The following TRDN variants were observed in gnomAD, a reference collection of about 807,000 sequenced individuals.
TRDN encodes the protein triadin in skeletal muscle.
In TRDN, 161 loss-of-function variants were observed where a neutral mutation model predicts 149.7. The observed-to-expected ratio is 1.08, with a 90% CI of 0.95 to 1.23. The LOEUF is 1.23. Among genes scored for constraint, TRDN ranks in the 50% most tolerant of loss-of-function variants. The pLI, the probability that TRDN is intolerant of heterozygous loss-of-function variation, is 0.00. For synonymous variants in TRDN, 294 were observed against 250.5 expected (o/e 1.17, Z -1.64); for missense variants, 896 against 823.5 (o/e 1.09, Z -1.08).
At chr6:123,332,454 C>A (rs1304587377) in intron 22 of TRDN, among the ~76,000 whole-genome samples, 6 of 151,970 alleles carry the variant, frequency 3.9e-5, no homozygotes, top group Non-Finnish European at 1.5e-5. Context: ...TACCTATAAA[C>A]TTTTAAAGTC....
At chr6:123,413,271 C>G (rs1163581415) in intron 12 of TRDN, among the ~76,000 whole-genome samples, 1 of 152,198 alleles carries the variant, frequency 6.6e-6, no homozygotes, top group Non-Finnish European at 1.5e-5. Context: ...GTCTCTCAGT[C>G]TGAATCTTGG....
chr6:123,278,368 T>C, intron 25 of TRDN, 21 bp from the exon 26 acceptor site: 1 of 1,250,086 alleles, frequency 8.0e-7, no homozygotes, highest in East Asian at 3.0e-5. Flanking sequence ...AGATGAACAT[T>C]AGTAACAATG....
chr6:123,547,434 T>C, intron 3 of TRDN, 62 bp from the exon 4 acceptor site: 1 of 924,192 alleles, frequency 1.1e-6, no homozygotes, highest in Non-Finnish European at 1.5e-6. Flanking sequence ...TAATATGACA[T>C]CATTATTTTC....
intron 4 of TRDN, among the ~76,000 whole-genome samples, chr6:123,546,354 T>G (rs888237952): frequency 1.3e-5 from 2 of 152,062 alleles, no homozygotes; most frequent in Non-Finnish European, 2.9e-5. Flanking sequence ...AAGTTTCTAA[T>G]TTAACATACA....
intron 1 of TRDN, among the ~76,000 whole-genome samples, chr6:123,636,459 T>G (rs1562147065): frequency 6.6e-6 from 1 of 151,990 alleles, no homozygotes; most frequent in Non-Finnish European, 1.5e-5. Context: ...TCATGTTACA[T>G]GACCATAGCT....
chr6:123,250,331 T>C (rs1313808364), intron 38 of TRDN, among the ~76,000 whole-genome samples: 1 of 151,684 alleles, frequency 6.6e-6, no homozygotes, highest in Non-Finnish European at 1.5e-5. Context: ...TTCATGAAGC[T>C]CCTTTAGTTA....
At chr6:123,379,038 AAAG>A (rs1232000354) in intron 16 of TRDN, among the ~76,000 whole-genome samples, 1 of 152,180 alleles carries the variant, frequency 6.6e-6, no homozygotes, top group African/African-American at 2.4e-5. Flanking sequence ...AATTAATGTA[AAAG>A]AAGATTTTCA....
intron 2 of TRDN, among the ~76,000 whole-genome samples, chr6:123,554,075 C>G (rs748980014): frequency 6.6e-6 from 1 of 152,114 alleles, no homozygotes; most frequent in Non-Finnish European, 1.5e-5. Flanking sequence ...TGGTAAGGTC[C>G]ATGAAATCCA....
intron 2 of TRDN, among the ~76,000 whole-genome samples, chr6:123,562,301 T>A (rs1782045900): frequency 6.6e-6 from 1 of 152,246 alleles, no homozygotes; most frequent in South Asian, 2.1e-4. Context: ...AACAGCCTTG[T>A]TGCTCACACA....
At chr6:123,407,587 G>C (rs1163956439) in intron 12 of TRDN, among the ~76,000 whole-genome samples, 1 of 151,964 alleles carries the variant, frequency 6.6e-6, no homozygotes, top group Non-Finnish European at 1.5e-5. Flanking sequence ...ATTCCCATAT[G>C]CATCTTGTTT....
At chr6:123,414,507 T>C (rs1773571967) in intron 12 of TRDN, among the ~76,000 whole-genome samples, 1 of 152,108 alleles carries the variant, frequency 6.6e-6, no homozygotes, top group African/African-American at 2.4e-5. Context: ...TATATACAAA[T>C]ATCAGCTTTT....
At position 123,516,195 on chromosome 6, in the gene TRDN, CT is replaced by C. The variant is rs1779403302; in HGVS notation, c.495del (p.Glu166LysfsTer9). 6.8e-7 allele frequency: 1 copy of C among 1,471,544 alleles called. No homozygotes were observed. 91.2% of individuals were successfully genotyped at this position (1,471,544 alleles called of 1,614,324 possible). On this transcript the variant is annotated frameshift_variant, in exon 6 of 41. Coordinates refer to ENST00000334268, the MANE Select transcript of TRDN (RefSeq NM_006073.4). LOFTEE classifies it high-confidence loss of function. ...ACTTTTTCTTTTCCTTTTTCTTTTTCTTTGTGTGTAACTGAAAAGAAACAGA... is the reference window on the plus strand; with the variant it reads ...ACTTTTTCTTTTCCTTTTTCTTTTTCTTGTGTGTAACTGAAAAGAAACAGA... ...ERKIQTKVTH[K>X]EKEKGKEKVR... is the part of the protein sequence containing the mutation.
chr6:123,622,476 T>G (rs1278024538), intron 1 of TRDN, among the ~76,000 whole-genome samples: 1 of 152,172 alleles, frequency 6.6e-6, no homozygotes, highest in East Asian at 1.9e-4. Flanking sequence ...AATTTTCGAC[T>G]GGTAAGTCGG....
At chr6:123,574,001 GATAA>G (rs1278088183) in intron 1 of TRDN, among the ~76,000 whole-genome samples, 1 of 151,810 alleles carries the variant, frequency 6.6e-6, no homozygotes, top group African/African-American at 2.4e-5. Context: ...ACAAAAATGA[GATAA>G]ATAACATGAA....
intron 40 of TRDN, among the ~76,000 whole-genome samples, chr6:123,221,047 G>A (rs903740371): frequency 6.6e-6 from 1 of 151,666 alleles, no homozygotes; most frequent in Non-Finnish European, 1.5e-5. Flanking sequence ...CATACATCTA[G>A]CAAAATCAAA....
rs1303663419 is a variant in TRDN at position 123,277,689 on chromosome 6, G to T, written c.1567+629C>A. ...GAAAACACCAGAAGATGCAAGGAAG[G>T]ATTTCTCTCTACAGATTTCATGGAA... On this transcript the variant is annotated intron_variant, in intron 26 of 40. Coordinates refer to ENST00000334268, the MANE Select transcript of TRDN (RefSeq NM_006073.4). Among the ~76,000 whole-genome samples, 3 of 152,184 alleles carry T rather than the reference G, an allele frequency of 2.0e-5. No individual in the cohort carries two copies. In the East Asian group the frequency reaches 5.8e-4, roughly 29 times the overall value.
At chr6:123,235,161 A>G (rs1037488723) in intron 38 of TRDN, among the ~76,000 whole-genome samples, 4 of 152,180 alleles carry the variant, frequency 2.6e-5, no homozygotes, top group Non-Finnish European at 4.4e-5. Context: ...AGTCTGTGGA[A>G]GAGGAAGCAG....
chr6:123,401,705 G>T (rs1383343242), intron 12 of TRDN, among the ~76,000 whole-genome samples: 1 of 152,064 alleles, frequency 6.6e-6, no homozygotes, highest in Non-Finnish European at 1.5e-5. Flanking sequence ...AGCACTTTGG[G>T]ACACCAAGGT....
At chr6:123,629,044 T>C (rs968611190) in intron 1 of TRDN, among the ~76,000 whole-genome samples, 1 of 152,086 alleles carries the variant, frequency 6.6e-6, no homozygotes, top group African/African-American at 2.4e-5. Context: ...GTACGCTTTT[T>C]CCCCTAGTCA....
Sources: gnomAD v4.1 joint callset for allele counts (sites outside exome capture counted in the v4.1 genomes callset) on GRCh38, gnomAD v4.1.1 for gene constraint, MANE v1.5 for transcripts, NCBI Gene and HGNC (gene_info 2026-07-23, HGNC 2026-07-21) for gene names.